SLC9C1: variants seen among roughly 807,000 people sequenced by gnomAD.
The protein encoded by SLC9C1 is solute carrier family 9 member C1, also known as sodium/hydrogen exchanger 10.
A neutral mutation model predicts 140.9 loss-of-function variants in SLC9C1; 97 were observed. The observed-to-expected ratio is 0.69, with a 90% CI of 0.58 to 0.82. The LOEUF (loss-of-function observed/expected upper bound fraction) is 0.82. Ranked by LOEUF, SLC9C1 falls within the 40% of genes least tolerant of loss-of-function variation. The pLI, the probability that SLC9C1 is intolerant of heterozygous loss-of-function variation, is 0.00. For missense variants in SLC9C1, 1,340 were observed against 1,389.3 expected (o/e 0.96, Z 0.56); for synonymous variants, 440 against 442.6 (o/e 0.99, Z 0.07).
intron 13 of SLC9C1, among the ~76,000 whole-genome samples, chr3:112,229,917 C>T (rs1205180719): frequency 6.6e-6 from 1 of 152,026 alleles, no homozygotes; most frequent in Non-Finnish European, 1.5e-5. Context: ...GGAATTTCTG[C>T]AGGAAAAGAT....
chr3:112,207,247 T>C (rs1285110705), intron 16 of SLC9C1, among the ~76,000 whole-genome samples: 4 of 152,158 alleles, frequency 2.6e-5, no homozygotes, highest in African/African-American at 9.7e-5. Flanking sequence ...GCTTGGGAAA[T>C]TGGGTTTCCA....
chr3:112,182,915 C>T (rs183381964), intron 20 of SLC9C1, among the ~76,000 whole-genome samples: 425 of 152,238 alleles, frequency 2.8e-3, no homozygotes, highest in Non-Finnish European at 5.0e-3. Context: ...TGAGATTCAT[C>T]GATGGTGTTG....
intron 16 of SLC9C1, among the ~76,000 whole-genome samples, chr3:112,204,894 A>T (rs1385212122): frequency 6.6e-6 from 1 of 152,104 alleles, no homozygotes; most frequent in Non-Finnish European, 1.5e-5. Context: ...TTCAAGATTT[A>T]AAAATATATT....
intron 10 of SLC9C1, among the ~76,000 whole-genome samples, chr3:112,252,380 C>T (rs2079486203): frequency 6.6e-6 from 1 of 151,906 alleles, no homozygotes; most frequent in Non-Finnish European, 1.5e-5. Context: ...TTCCAACCTC[C>T]CTGGGATGGG....
chr3:112,221,350 A>G (rs925898965), intron 13 of SLC9C1, 125 bp from the exon 14 acceptor site: 8 of 812,152 alleles, frequency 9.9e-6, no homozygotes, highest in African/African-American at 5.2e-5. Flanking sequence ...TGTAAAAAGA[A>G]TATTTCTATG....
At chr3:112,202,911 G>A (rs756540720) in intron 17 of SLC9C1, among the ~76,000 whole-genome samples, 1 of 151,892 alleles carries the variant, frequency 6.6e-6, no homozygotes, top group Non-Finnish European at 1.5e-5. Context: ...CCATTGTGCA[G>A]TCCCCTAGCT....
At chr3:112,182,602 A>G (rs1420105154) in intron 20 of SLC9C1, among the ~76,000 whole-genome samples, 1 of 152,122 alleles carries the variant, frequency 6.6e-6, no homozygotes, top group Non-Finnish European at 1.5e-5. Flanking sequence ...GTCATAGATA[A>G]GCTTCTTAAA....
At position 112,199,390 on chromosome 3, in the gene SLC9C1, A is replaced by G. The variant is rs1351632453; in HGVS notation, c.2454T>C (p.Ala818=). 1 of 1,599,498 alleles carries G rather than the reference A, an allele frequency of 6.3e-7. No individual in the cohort carries two copies. Among genetic ancestry groups the G allele is most frequent in the East Asian group, 2.3e-5 (1 of 44,404 alleles). ...KEEINVMLNM[A]TEILKAFGLK... is the part of the protein sequence containing the mutation. ...AGCCAAAAGCCTTAAGAATTTCTGTAGCCATATTGAGCATAACATTAATTT... is the reference window on the plus strand; with the variant it reads ...AGCCAAAAGCCTTAAGAATTTCTGTGGCCATATTGAGCATAACATTAATTT... Residue 818 remains alanine (A), a synonymous_variant, in exon 20 of 29, where the codon GCT becomes GCC. Transcript: ENST00000305815.
At chr3:112,234,392 C>A (rs76606117) in intron 12 of SLC9C1, among the ~76,000 whole-genome samples, 54 of 151,910 alleles carry the variant, frequency 3.6e-4, no homozygotes, top group Middle Eastern at 3.4e-3. Flanking sequence ...TTGTCAGATG[C>A]GTAGATTGCA....
chr3:112,178,418 A>G (rs933243439), intron 23 of SLC9C1, among the ~76,000 whole-genome samples: 1 of 152,120 alleles, frequency 6.6e-6, no homozygotes, highest in African/African-American at 2.4e-5. Context: ...ATAAGCCACC[A>G]TGTCTGCTAC....
Position 112,217,490 on chromosome 3 carries a change from A to C in SLC9C1, c.1742T>G (p.Leu581Arg), listed in dbSNP as rs200889662. The C allele has an allele frequency of 1.1e-5, 17 of 1,610,972 alleles. No homozygotes were observed. Among genetic ancestry groups the C allele is most frequent in the Non-Finnish European group, 1.1e-5 (13 of 1,178,932 alleles). ...QKTVTFARKL[L>R]LNWVYNTRKE... ...TCTGGTATTATACACCCAATTAAGTAGTAGTTTTCTAGCAAAGGTAACTGT... is the reference window on the plus strand; with the variant it reads ...TCTGGTATTATACACCCAATTAAGTCGTAGTTTTCTAGCAAAGGTAACTGT... The change falls in exon 15 of 29, where the codon CTA becomes CGA. Residue 581 changes from leucine to arginine, a missense_variant. Physicochemically the swap from Leu to Arg is moderately radical, Grantham distance 102. Transcript: ENST00000305815.
chr3:112,151,780 A>T, intron 28 of SLC9C1, 77 bp downstream of exon 28: 1 of 1,048,430 alleles, frequency 9.5e-7, no homozygotes, highest in Non-Finnish European at 1.5e-6. Context: ...CATAAAGGGC[A>T]AGTAACTTTG....
intron 10 of SLC9C1, among the ~76,000 whole-genome samples, 183 bp downstream of exon 10, chr3:112,262,741 A>C (rs1195259931): frequency 1.3e-5 from 2 of 151,660 alleles, no homozygotes; most frequent in East Asian, 3.9e-4. Flanking sequence ...TTTGTAATAA[A>C]CCTATTTCAG....
rs1156295904 is a variant in SLC9C1 at position 112,286,757 on chromosome 3, G to A, written c.35C>T (p.Thr12Ile). Residue 12 changes from threonine (T) to isoleucine (I), a missense_variant, in exon 2 of 29, where the codon ACT (threonine) becomes ATT (isoleucine). Coordinates refer to ENST00000305815, the MANE Select transcript of SLC9C1 (RefSeq NM_183061.3). Reference protein sequence around the residue: ...AGIFKEFFFSTEDLPEVILTL... With the variant: ...AGIFKEFFFSIEDLPEVILTL... ...TAGAATGACTTCAGGGAGGTCCTCA[G>A]TACTGAAAAAAAACTCCTTAAATAT... 3 of 1,612,050 alleles carry A rather than the reference G, an allele frequency of 1.9e-6. No homozygotes were observed. In the East Asian group the frequency reaches 6.7e-5, roughly 36 times the overall value.
chr3:112,266,823 G>C (rs971928970), intron 7 of SLC9C1, among the ~76,000 whole-genome samples: 2 of 152,088 alleles, frequency 1.3e-5, no homozygotes, highest in African/African-American at 4.8e-5. Flanking sequence ...TGTGCCCTTT[G>C]TGTTTCTTTG....
rs531973800 is a variant in SLC9C1, at chr3:112,254,873, G to A, written c.1197+8051C>T. 3.9e-5 allele frequency among the ~76,000 whole-genome samples: 6 copies of A among 151,982 alleles called. No homozygotes were observed. In the East Asian group the frequency reaches 1.2e-3, roughly 29 times the overall value. Reference sequence around the variant, plus strand: ...CTTTCATCTGCAGTGACACTCATAGGCTCAAAATAAAATATTTTCCAAGCA... The same window carrying A: ...CTTTCATCTGCAGTGACACTCATAGACTCAAAATAAAATATTTTCCAAGCA... On this transcript the variant is annotated intron_variant, in intron 10 of 28. Coordinates refer to ENST00000305815, the MANE Select transcript of SLC9C1 (RefSeq NM_183061.3).
chr3:112,150,734 AAT>A lies in SLC9C1; in HGVS notation c.3524+1121_3524+1122del, dbSNP rs531247100. On this transcript the variant is annotated intron_variant, in intron 28 of 28. Coordinates refer to ENST00000305815, the MANE Select transcript of SLC9C1 (RefSeq NM_183061.3). ...TAAAATATGGAGGTGGCATGGAAGA[AAT>A]ATATATATATATAAAATATATATAT... 4.4e-3 allele frequency among the ~76,000 whole-genome samples: 638 copies of A among 145,568 alleles called. 3 individuals are homozygous for A. Among genetic ancestry groups the A allele is most frequent in the African/African-American group, 0.015 (588 of 39,942 alleles).
chr3:112,204,893 T>A (rs2078002720), intron 16 of SLC9C1, among the ~76,000 whole-genome samples: 1 of 152,126 alleles, frequency 6.6e-6, no homozygotes, highest in Admixed American at 6.6e-5. Context: ...GTTCAAGATT[T>A]AAAAATATAT....
At chr3:112,230,031 C>A (rs1253247139) in intron 13 of SLC9C1, among the ~76,000 whole-genome samples, 1 of 152,048 alleles carries the variant, frequency 6.6e-6, no homozygotes, top group East Asian at 1.9e-4. Flanking sequence ...TAAAATACTC[C>A]TTTGTGCTTT....
Sources: gnomAD v4.1 joint callset for allele counts (sites outside exome capture counted in the v4.1 genomes callset) on GRCh38, gnomAD v4.1.1 for gene constraint, MANE v1.5 for transcripts, NCBI Gene and HGNC (gene_info 2026-07-23, HGNC 2026-07-21) for gene names.